ADGRV1: variants seen among roughly 807,000 people sequenced by gnomAD.
ADGRV1 encodes the protein adhesion G protein-coupled receptor V1.
In ADGRV1, 359 loss-of-function variants were observed where a neutral mutation model predicts 596.2. That is an observed-to-expected ratio of 0.60 (90% CI 0.55 to 0.66). The LOEUF is 0.66. Among genes scored for constraint, ADGRV1 ranks in the 30% least tolerant of loss-of-function variants. ADGRV1 has a pLI of 0.00. For missense variants in ADGRV1, 7,274 were observed against 7,575.6 expected (o/e 0.96, Z 1.48); for synonymous variants, 2,681 against 2,679.2 (o/e 1.00, Z -0.02).
intron 1 of ADGRV1, among the ~76,000 whole-genome samples, chr5:90,568,246 A>G (rs1442436663): frequency 2.0e-5 from 3 of 150,650 alleles, no homozygotes; most frequent in Admixed American, 1.3e-4. Context: ...TAATATATGC[A>G]TTTGTGCCTG....
At chr5:90,987,893 T>C (rs1005733684) in intron 85 of ADGRV1, among the ~76,000 whole-genome samples, 1 of 152,148 alleles carries the variant, frequency 6.6e-6, no homozygotes, top group African/African-American at 2.4e-5. Flanking sequence ...TGTTCACTTC[T>C]TTCTGGAACG....
intron 69 of ADGRV1, among the ~76,000 whole-genome samples, chr5:90,790,656 A>C (rs1759963031): frequency 6.6e-6 from 1 of 152,220 alleles, no homozygotes; most frequent in Non-Finnish European, 1.5e-5. Flanking sequence ...AGCAGGTAAA[A>C]TAATGAGATT....
rs771222609 is a variant in ADGRV1, at chr5:90,685,978, C to T, written c.6473C>T (p.Pro2158Leu). ...ADVSVKFKAV[P>L]ITAIAGEDYS... is the part of the protein sequence containing the mutation. ...GTCTCTGTGAAGTTTAAAGCTGTGC[C>T]AATAACTGCAATAGCTGGTAAGAAA... is the stretch of plus-strand genomic sequence containing the variant. Residue 2158 changes from proline to leucine, a missense_variant, in exon 29 of 90, where the codon CCA (proline) becomes CTA (leucine). Pro to Leu is a moderately conservative substitution (Grantham distance 98). Transcript: ENST00000405460. The T allele has an allele frequency of 2.1e-5, 33 of 1,580,684 alleles. No individual in the cohort carries two copies. The South Asian group carries it at 3.7e-4, about 18-fold the overall frequency.
chr5:90,627,799 T>C, intron 7 of ADGRV1, 23 bp downstream of exon 7: 1 of 1,319,930 alleles, frequency 7.6e-7, no homozygotes, highest in Non-Finnish European at 1.0e-6. Context: ...TTAAATATAT[T>C]GCTACCATTA....
intron 70 of ADGRV1, among the ~76,000 whole-genome samples, chr5:90,793,631 G>A (rs966832405): frequency 6.6e-6 from 1 of 152,148 alleles, no homozygotes; most frequent in African/African-American, 2.4e-5. Context: ...GAAGCATGTG[G>A]TAGTGCACTT....
At position 90,790,438 on chromosome 5, in the gene ADGRV1, T is replaced by C. The variant is rs368597616; in HGVS notation, c.14044-435T>C. 1.2e-4 allele frequency among the ~76,000 whole-genome samples: 18 copies of C among 152,332 alleles called. No individual in the cohort carries two copies. The South Asian group carries it at 3.1e-3, about 26-fold the overall frequency. On this transcript the variant is annotated intron_variant, in intron 69 of 89. Transcript: ENST00000405460. ...CACTTCATAGTTTTGAGGCCAGCAATTCTTGGAAAATAATGATTGATTTTT... is the reference window on the plus strand; with the variant it reads ...CACTTCATAGTTTTGAGGCCAGCAACTCTTGGAAAATAATGATTGATTTTT...
intron 83 of ADGRV1, among the ~76,000 whole-genome samples, chr5:90,872,149 C>T (rs1040903352): frequency 7.2e-5 from 11 of 152,098 alleles, no homozygotes; most frequent in Non-Finnish European, 1.3e-4. Context: ...GGGGCCCCAC[C>T]CTTTTTCAAT....
At chr5:90,578,076 C>T (rs954719307) in intron 1 of ADGRV1, among the ~76,000 whole-genome samples, 2 of 152,172 alleles carry the variant, frequency 1.3e-5, no homozygotes, top group African/African-American at 4.8e-5. Context: ...AATTTGACTT[C>T]CTCTTTTCCT....
intron 83 of ADGRV1, among the ~76,000 whole-genome samples, chr5:90,923,027 G>C (rs1469625302): frequency 7.2e-6 from 1 of 139,848 alleles, no homozygotes; most frequent in East Asian, 2.3e-4. Flanking sequence ...GGTCCTATAA[G>C]AAGTTATGCT....
intron 21 of ADGRV1, among the ~76,000 whole-genome samples, chr5:90,669,812 A>G (rs897081040): frequency 2.0e-5 from 3 of 152,208 alleles, no homozygotes; most frequent in African/African-American, 7.2e-5. Flanking sequence ...ATGAAATAGC[A>G]CTTATAAGCA....
At position 90,645,225 on chromosome 5, in the gene ADGRV1, C is replaced by T. The variant is rs573097085; in HGVS notation, c.2898+356C>T. Among the ~76,000 whole-genome samples, 257 of 152,312 alleles carry T rather than the reference C, an allele frequency of 1.7e-3. 1 individual carries two copies. The highest frequency in any genetic ancestry group is 5.9e-3 in the African/African-American group (247 of 41,574). ...CACCGGGACACGGGGTCGCATGAGT[C>T]ATGGACCAAACATGGCATTTCTTCT... On this transcript the variant is annotated intron_variant, in intron 15 of 89. Coordinates refer to ENST00000405460, the MANE Select transcript of ADGRV1 (RefSeq NM_032119.4).
rs201963060 is a variant in ADGRV1, at chr5:90,703,670, A to G, written c.8161A>G (p.Ile2721Val). Reference sequence around the variant, plus strand: ...TTTACACATTTTACTTGCAGGAGAAATTTTACAATTCCATGTGATAAGAAC... The same window carrying G: ...TTTACACATTTTACTTGCAGGAGAAGTTTTACAATTCCATGTGATAAGAAC... ...SRSVIGHEGE[I>V]LQFHVIRTFP... is the part of the protein sequence containing the mutation. Residue 2721 changes from isoleucine to valine, a missense_variant, in exon 35 of 90, where the codon ATT (isoleucine) becomes GTT (valine). Ile to Val is a conservative substitution (Grantham distance 29, BLOSUM62 3). This residue lies in a region of ADGRV1 where 3,643 missense variants were observed against 3,809.2 expected (regional missense o/e 0.96). Transcript: ENST00000405460. 7.6e-4 allele frequency: 1,220 copies of G among 1,596,534 alleles called. 1 individual carries two copies. The highest frequency in any genetic ancestry group is 9.8e-4 in the Non-Finnish European group (1,140 of 1,169,216).
At chr5:90,772,022 A>G (rs1757748769) in intron 59 of ADGRV1, among the ~76,000 whole-genome samples, 1 of 151,886 alleles carries the variant, frequency 6.6e-6, no homozygotes, top group Non-Finnish European at 1.5e-5. Flanking sequence ...CCCCCCTCTT[A>G]CTGGTTGTAG....
At chr5:91,011,664 A>T (rs1194796745) in intron 85 of ADGRV1, among the ~76,000 whole-genome samples, 4 of 151,972 alleles carry the variant, frequency 2.6e-5, no homozygotes, top group African/African-American at 9.7e-5. Flanking sequence ...TTCTCTAACT[A>T]GTATCATCAT....
intron 1 of ADGRV1, among the ~76,000 whole-genome samples, chr5:90,593,377 C>A (rs567041048): frequency 1.3e-5 from 2 of 151,984 alleles, no homozygotes; most frequent in South Asian, 2.1e-4. Flanking sequence ...CACATGTTCT[C>A]ACTCATAGGT....
chr5:90,840,259 CAT>C (rs750114628), intron 77 of ADGRV1, among the ~76,000 whole-genome samples: 80 of 152,182 alleles, frequency 5.3e-4, no homozygotes, highest in African/African-American at 1.7e-3. Context: ...TATTTTACCA[CAT>C]GTGTTATTTG....
intron 71 of ADGRV1, among the ~76,000 whole-genome samples, chr5:90,803,698 C>G (rs1761622759): frequency 6.6e-6 from 1 of 152,102 alleles, no homozygotes; most frequent in Admixed American, 6.5e-5. Flanking sequence ...ATAGAATACA[C>G]TGGCTATTAA....
intron 38 of ADGRV1, 123 bp from the exon 39 acceptor site, chr5:90,708,693 C>T (rs1748928599): frequency 3.7e-6 from 2 of 540,844 alleles, no homozygotes; most frequent in African/African-American, 3.8e-5. Flanking sequence ...CATCTGTCTA[C>T]TTTATGGTTG....
intron 87 of ADGRV1, among the ~76,000 whole-genome samples, chr5:91,141,602 A>T (rs1234885841): frequency 6.6e-6 from 1 of 152,232 alleles, no homozygotes; most frequent in Admixed American, 6.5e-5. Flanking sequence ...GTTTTTAAAG[A>T]TGAAGCAATT....
Sources: gnomAD v4.1 joint callset for allele counts (sites outside exome capture counted in the v4.1 genomes callset) on GRCh38, gnomAD v4.1.1 for gene constraint, gnomAD v4.1.1 regional missense constraint, MANE v1.5 for transcripts, NCBI Gene and HGNC (gene_info 2026-07-23, HGNC 2026-07-21) for gene names.